The following DLG2 variants were observed in gnomAD, a reference collection of about 807,000 sequenced individuals.
DLG2 encodes the protein discs large MAGUK scaffold protein 2.
DLG2 carries 45 observed loss-of-function variants against 132.5 expected under a neutral mutation model. The ratio of observed to expected loss-of-function variants is 0.34; its 90% CI spans 0.27 to 0.44. DLG2 has a LOEUF of 0.44. Ranked by LOEUF, DLG2 falls within the 20% of genes least tolerant of loss-of-function variation. The pLI is 1.00. For synonymous variants in DLG2, 424 were observed against 419.6 expected (o/e 1.01, Z -0.13); for missense variants, 1,045 against 1,196.9 (o/e 0.87, Z 1.87).
intron 7 of DLG2, among the ~76,000 whole-genome samples, chr11:84,492,757 G>A (rs1334491683): frequency 1.3e-5 from 2 of 152,058 alleles, no homozygotes; most frequent in African/African-American, 4.8e-5. Context: ...TATGATTACT[G>A]GATTCAAGAA....
chr11:84,296,613 T>A (rs2098091945), intron 7 of DLG2, among the ~76,000 whole-genome samples: 1 of 152,110 alleles, frequency 6.6e-6, no homozygotes. Flanking sequence ...TATGTTATTT[T>A]ACTTTTTGTA....
intron 6 of DLG2, among the ~76,000 whole-genome samples, chr11:84,820,309 C>A (rs2077529199): frequency 6.6e-6 from 1 of 151,784 alleles, no homozygotes; most frequent in South Asian, 2.1e-4. Context: ...TCACAATGAC[C>A]CTTAACTCTC....
intron 8 of DLG2, among the ~76,000 whole-genome samples, chr11:84,237,988 G>A (rs1311300602): frequency 2.1e-5 from 3 of 143,704 alleles, no homozygotes; most frequent in African/African-American, 7.8e-5. Flanking sequence ...GTTGCAGTGA[G>A]CCGAGAGATC....
rs115477618 is a variant in DLG2 at position 84,904,332 on chromosome 11, T to C, written c.357+207329A>G. 7.0e-4 allele frequency among the ~76,000 whole-genome samples: 107 copies of C among 152,328 alleles called. 1 individual carries two copies. Among genetic ancestry groups the C allele is most frequent in the African/African-American group, 2.3e-3 (95 of 41,574 alleles). On this transcript the variant is annotated intron_variant, in intron 6 of 27. Coordinates refer to ENST00000376104, the MANE Select transcript of DLG2 (RefSeq NM_001142699.3). Reference sequence around the variant, plus strand: ...CATTTTAATTGCAATTATATCCCTTTGTTTGTGTAATTACATTGTCAGATG... The same window carrying C: ...CATTTTAATTGCAATTATATCCCTTCGTTTGTGTAATTACATTGTCAGATG...
chr11:85,134,726 C>G (rs2076031498), intron 5 of DLG2, among the ~76,000 whole-genome samples: 2 of 151,902 alleles, frequency 1.3e-5, no homozygotes, highest in Non-Finnish European at 2.9e-5. Flanking sequence ...AATGAGAGCA[C>G]TGTTCATAAA....
In DLG2 at chr11:83,874,527, A is replaced by T. The variant is rs774825219; in HGVS notation, c.1497-39T>A. 2.0e-5 allele frequency: 29 copies of T among 1,427,578 alleles called. No individual in the cohort carries two copies. The South Asian group carries it at 3.6e-4, about 18-fold the overall frequency. The allele number at this position is 1,427,578 out of a possible 1,614,324, so 88.4% of individuals were successfully genotyped here. ...CAGAAGAAACACACATCATTTATTT[A>T]TTTTTTATTTTTTTATTTTTTTATT... On this transcript the variant is annotated intron_variant, in intron 15 of 27. Transcript: ENST00000376104.
chr11:83,517,497 T>G (rs1255715422), intron 21 of DLG2, among the ~76,000 whole-genome samples: 1 of 152,214 alleles, frequency 6.6e-6, no homozygotes, highest in African/African-American at 2.4e-5. Flanking sequence ...TAGTTTGATC[T>G]TCTGAAGCCT....
chr11:84,420,914 C>T (rs974940165), intron 7 of DLG2, among the ~76,000 whole-genome samples: 4 of 151,600 alleles, frequency 2.6e-5, no homozygotes, highest in Non-Finnish European at 2.9e-5. Flanking sequence ...GTGATCTGCC[C>T]GCCTCGGCCT....
chr11:84,739,482 G>A (rs760213117), intron 6 of DLG2, among the ~76,000 whole-genome samples: 30 of 152,068 alleles, frequency 2.0e-4, no homozygotes, highest in Non-Finnish European at 3.1e-4. Context: ...GACAACTACT[G>A]TGTTCACTCC....
At chr11:84,371,980 C>T (rs181221803) in intron 7 of DLG2, among the ~76,000 whole-genome samples, 71 of 152,242 alleles carry the variant, frequency 4.7e-4, no homozygotes, top group Middle Eastern at 3.4e-3. Flanking sequence ...TAAAAAATTG[C>T]ATGTTCAGAT....
chr11:83,999,497 C>A (rs2094224775), intron 11 of DLG2, among the ~76,000 whole-genome samples: 1 of 152,146 alleles, frequency 6.6e-6, no homozygotes. Flanking sequence ...ACCTGCCCAC[C>A]TGCCTGGCTC....
chr11:85,428,208 G>C (rs1402647589), intron 3 of DLG2, among the ~76,000 whole-genome samples: 1 of 152,122 alleles, frequency 6.6e-6, no homozygotes, highest in Non-Finnish European at 1.5e-5. Flanking sequence ...GTCAACATTA[G>C]ACAGATCAAT....
chr11:83,606,345 T>C, intron 19 of DLG2, among the ~76,000 whole-genome samples: 1 of 152,144 alleles, frequency 6.6e-6, no homozygotes, highest in East Asian at 1.9e-4. Context: ...CTAATCTGTA[T>C]CTATGTATCT....
intron 6 of DLG2, among the ~76,000 whole-genome samples, chr11:84,618,199 T>G (rs1216402916): frequency 6.6e-6 from 1 of 152,022 alleles, no homozygotes; most frequent in Non-Finnish European, 1.5e-5. Context: ...GAAAGGAGCT[T>G]GGAGAAGTCC....
chr11:84,023,713 T>C (rs2095464035), intron 11 of DLG2, among the ~76,000 whole-genome samples: 1 of 152,142 alleles, frequency 6.6e-6, no homozygotes, highest in Non-Finnish European at 1.5e-5. Context: ...AAACACTTAA[T>C]ATAAAGTTAG....
chr11:83,520,126 G>C (rs543270658), intron 21 of DLG2, among the ~76,000 whole-genome samples: 3 of 152,300 alleles, frequency 2.0e-5, no homozygotes, highest in African/African-American at 7.2e-5. Flanking sequence ...CTTTACAAAT[G>C]TTCATGAAGT....
chr11:84,099,429 G>T (rs891221130), intron 9 of DLG2, among the ~76,000 whole-genome samples: 2 of 151,964 alleles, frequency 1.3e-5, no homozygotes, highest in African/African-American at 4.8e-5. Context: ...TTACATGAAA[G>T]AATTTGATTT....
At chr11:85,438,505 G>A (rs557613860) in intron 3 of DLG2, among the ~76,000 whole-genome samples, 86 of 152,042 alleles carry the variant, frequency 5.7e-4, no homozygotes, top group Non-Finnish European at 1.1e-3. Context: ...AGCAAAAACC[G>A]CAATTACTTT....
At chr11:85,225,711 A>G (rs981305626) in intron 4 of DLG2, among the ~76,000 whole-genome samples, 7 of 151,940 alleles carry the variant, frequency 4.6e-5, no homozygotes, top group Non-Finnish European at 1.0e-4. Flanking sequence ...AAGCATTCCA[A>G]TGTTGACTTG....
Sources: gnomAD v4.1 joint callset for allele counts (sites outside exome capture counted in the v4.1 genomes callset) on GRCh38, gnomAD v4.1.1 for gene constraint, MANE v1.5 for transcripts, NCBI Gene and HGNC (gene_info 2026-07-23, HGNC 2026-07-21) for gene names.